GRK3: variants seen among roughly 807,000 people sequenced by gnomAD.
GRK3 encodes G protein-coupled receptor kinase 3, also known as adrenergic, beta, receptor kinase 2.
GRK3 carries 54 observed loss-of-function variants against 95.7 expected under a neutral mutation model. That is an observed-to-expected ratio of 0.56 (90% CI 0.45 to 0.71). The LOEUF (loss-of-function observed/expected upper bound fraction) is 0.71, where lower values mean the gene tolerates loss of function less well. Among genes scored for constraint, GRK3 ranks in the 30% least tolerant of loss-of-function variants. The probability of loss-of-function intolerance (pLI) is 0.00; values close to 1 mark genes in which losing one functional copy is unlikely to be tolerated. For synonymous variants in GRK3, 281 were observed against 290.8 expected (o/e 0.97, Z 0.34); for missense variants, 649 against 851.2 (o/e 0.76, Z 2.96).
At position 25,650,277 on chromosome 22, in the gene GRK3, G is replaced by A. The variant is rs146764826; in HGVS notation, c.264+5612G>A. 3.9e-3 allele frequency among the ~76,000 whole-genome samples: 593 copies of A among 152,232 alleles called. 6 individuals are homozygous for A. Among genetic ancestry groups the A allele is most frequent in the African/African-American group, 0.013 (548 of 41,520 alleles). ...AGTCTGGTTTCGAACTCCTGACCTC[G>A]TGATCCGCCTGCCTTGGCCTCCCAA... is the stretch of plus-strand genomic sequence containing the variant. On this transcript the variant is annotated intron_variant, in intron 3 of 20. Coordinates refer to ENST00000324198, the MANE Select transcript of GRK3 (RefSeq NM_005160.4).
Position 25,587,170 on chromosome 22 carries a change from C to T in GRK3, c.114-17207C>T, listed in dbSNP as rs141940279. The stretch of plus-strand genomic sequence containing the variant: ...CCTCCCAAAGTGCTAGGATTATAGG[C>T]GTGAGCCACCGTGCCCAGTGGCCCT... On this transcript the variant is annotated intron_variant, in intron 1 of 20. Transcript: ENST00000324198. Among the ~76,000 whole-genome samples, 35 of 152,258 alleles carry T rather than the reference C, an allele frequency of 2.3e-4. No individual in the cohort carries two copies. The East Asian group carries it at 2.7e-3, about 12-fold the overall frequency.
chr22:25,714,259 C>T (rs1251117473), intron 17 of GRK3, 149 bp from the exon 18 acceptor site: 1 of 595,826 alleles, frequency 1.7e-6, no homozygotes, highest in African/African-American at 1.9e-5. Context: ...TTTATGATAA[C>T]TAAGAACCTG....
intron 10 of GRK3, among the ~76,000 whole-genome samples, chr22:25,685,843 T>C (rs1334592607): frequency 1.3e-5 from 2 of 151,446 alleles, no homozygotes; most frequent in African/African-American, 4.9e-5. Flanking sequence ...AAATAAAGCA[T>C]ACAATTCACA....
chr22:25,570,316 A>C (rs74791466), intron 1 of GRK3, among the ~76,000 whole-genome samples: 5,620 of 152,248 alleles, frequency 0.037, 203 homozygotes, highest in African/African-American at 0.086. Context: ...CTCACCCCCC[A>C]AGGCCTCAAA....
intron 13 of GRK3, among the ~76,000 whole-genome samples, chr22:25,699,121 G>A (rs1003952410): frequency 2.6e-5 from 4 of 152,156 alleles, no homozygotes; most frequent in African/African-American, 7.2e-5. Flanking sequence ...GTGTGCAGGA[G>A]CCCTCACTGC....
chr22:25,599,974 A>G (rs1157889204), intron 1 of GRK3, among the ~76,000 whole-genome samples: 1 of 152,110 alleles, frequency 6.6e-6, no homozygotes, highest in Non-Finnish European at 1.5e-5. Context: ...ACTAAAACAT[A>G]TTTACCATAT....
At chr22:25,620,107 G>T (rs547607891) in intron 2 of GRK3, among the ~76,000 whole-genome samples, 17 of 149,244 alleles carry the variant, frequency 1.1e-4, no homozygotes, top group East Asian at 1.0e-3. Context: ...GGAGAAGGAA[G>T]AAGCTCCCCT....
intron 3 of GRK3, among the ~76,000 whole-genome samples, chr22:25,658,749 G>A (rs568383840): frequency 1.3e-5 from 2 of 152,302 alleles, no homozygotes; most frequent in Non-Finnish European, 2.9e-5. Flanking sequence ...TGAATTGGAT[G>A]TAGGGGGTGG....
intron 1 of GRK3, among the ~76,000 whole-genome samples, chr22:25,599,050 C>G (rs1266026692): frequency 6.6e-6 from 1 of 152,174 alleles, no homozygotes; most frequent in Non-Finnish European, 1.5e-5. Context: ...TATTTATCTC[C>G]TACCATACTC....
At chr22:25,587,462 T>G (rs1054690490) in intron 1 of GRK3, among the ~76,000 whole-genome samples, 1 of 152,154 alleles carries the variant, frequency 6.6e-6, no homozygotes, top group Non-Finnish European at 1.5e-5. Context: ...AGAGTCTTGC[T>G]CTGTCACCCA....
intron 1 of GRK3, among the ~76,000 whole-genome samples, chr22:25,580,842 A>G (rs1203740949): frequency 6.6e-6 from 1 of 152,180 alleles, no homozygotes; most frequent in Non-Finnish European, 1.5e-5. Flanking sequence ...AAGGTGGGAT[A>G]AGTCGAGTGG....
At position 25,722,573 on chromosome 22, in the gene GRK3, G is replaced by C. The variant is rs894933221; in HGVS notation, c.*123G>C. On this transcript the variant is annotated 3_prime_UTR_variant, in exon 21 of 21. Transcript: ENST00000324198. ...CTCCTCCAGGCTCCCGAGAGGAGTC[G>C]GGACCCTTCGGCTTGGGGTCAGCTC... The C allele has an allele frequency of 4.1e-6, 4 of 984,792 alleles. No homozygotes were observed. The highest frequency in any genetic ancestry group is 5.9e-6 in the Non-Finnish European group (4 of 680,624). 61.0% of individuals were successfully genotyped at this position (984,792 alleles called of 1,614,324 possible).
At chr22:25,593,039 C>CA (rs1194873931) in intron 1 of GRK3, among the ~76,000 whole-genome samples, 1 of 152,068 alleles carries the variant, frequency 6.6e-6, no homozygotes, top group African/African-American at 2.4e-5. Flanking sequence ...ATATGTACCA[C>CA]ATTTTCTTTA....
chr22:25,692,589 C>T (rs995457982), intron 12 of GRK3, among the ~76,000 whole-genome samples: 14 of 152,210 alleles, frequency 9.2e-5, no homozygotes, highest in Non-Finnish European at 1.5e-4. Context: ...GGAGTAGTGG[C>T]GGTACCAGCA....
At chr22:25,645,471 T>C (rs991819303) in intron 3 of GRK3, among the ~76,000 whole-genome samples, 1 of 152,164 alleles carries the variant, frequency 6.6e-6, no homozygotes, top group African/African-American at 2.4e-5. Flanking sequence ...CCCACATATG[T>C]GATTAGTCAC....
intron 1 of GRK3, among the ~76,000 whole-genome samples, chr22:25,585,486 A>G (rs371253135): frequency 9.8e-5 from 15 of 152,302 alleles, no homozygotes; most frequent in African/African-American, 3.4e-4. Flanking sequence ...GACCTCATAT[A>G]TATGTCATGT....
At chr22:25,697,084 G>A (rs934826735) in intron 13 of GRK3, among the ~76,000 whole-genome samples, 3 of 152,024 alleles carry the variant, frequency 2.0e-5, no homozygotes, top group Non-Finnish European at 2.9e-5. Context: ...TACAGAATTT[G>A]GAGATGATAA....
At chr22:25,581,808 G>GA (rs879408747) in intron 1 of GRK3, among the ~76,000 whole-genome samples, 3,725 of 141,030 alleles carry the variant, frequency 0.026, 43 homozygotes, top group Non-Finnish European at 0.03. Context: ...AAATTTAGCA[G>GA]AAAAAAAAAA....
intron 17 of GRK3, among the ~76,000 whole-genome samples, chr22:25,713,711 T>A (rs776119238): frequency 1.3e-5 from 2 of 152,236 alleles, no homozygotes; most frequent in South Asian, 4.1e-4. Context: ...ATATTCAAAA[T>A]GCAGCCTTAC....
Sources: gnomAD v4.1 joint callset for allele counts (sites outside exome capture counted in the v4.1 genomes callset) on GRCh38, gnomAD v4.1.1 for gene constraint, MANE v1.5 for transcripts, NCBI Gene and HGNC (gene_info 2026-07-23, HGNC 2026-07-21) for gene names.